The following DTNA variants were observed in gnomAD, a reference collection of about 807,000 sequenced individuals.
DTNA encodes the protein dystrobrevin alpha.
DTNA carries 43 observed loss-of-function variants against 100.7 expected under a neutral mutation model. That is an observed-to-expected ratio of 0.43 (90% confidence interval 0.33 to 0.55). The LOEUF (loss-of-function observed/expected upper bound fraction) is 0.55. Among genes scored for constraint, DTNA ranks in the 20% least tolerant of loss-of-function variants. The probability of loss-of-function intolerance (pLI) is 0.04; values close to 1 mark genes in which losing one functional copy is unlikely to be tolerated. For synonymous variants in DTNA, 349 were observed against 347.9 expected (o/e 1.00, Z -0.04); for missense variants, 798 against 953.9 (o/e 0.84, Z 2.15).
chr18:34,611,887 G>A (rs554726392), intron 1 of DTNA, among the ~76,000 whole-genome samples: 15 of 152,332 alleles, frequency 9.8e-5, no homozygotes, highest in East Asian at 9.7e-4. Context: ...CTGGGCAGGC[G>A]TGCAGCACAT....
intron 1 of DTNA, among the ~76,000 whole-genome samples, chr18:34,538,976 GA>G (rs1441740973): frequency 2.0e-5 from 3 of 151,678 alleles, no homozygotes; most frequent in Non-Finnish European, 4.4e-5. Context: ...CACACTCAGA[GA>G]AAAATAGTTC....
At position 34,818,147 on chromosome 18, in the gene DTNA, AC is replaced by A. The variant is rs772216403; in HGVS notation, c.710-16del. The A allele has an allele frequency of 1.9e-6, 3 of 1,613,602 alleles. No homozygotes were observed. In the South Asian group the frequency reaches 3.3e-5, roughly 18 times the overall value. On this transcript the variant is annotated splice_polypyrimidine_tract_variant and intron_variant, in intron 7 of 22. Transcript: ENST00000444659. Reference sequence around the variant, plus strand: ...ACTTTTGTTTTCTTGGTTTTTCTTCACTTACTTCCCCCTTAGTCTTCCATCC... The same window carrying A: ...ACTTTTGTTTTCTTGGTTTTTCTTCATTACTTCCCCCTTAGTCTTCCATCC...
chr18:34,699,805 C>T (rs776977207), intron 1 of DTNA, among the ~76,000 whole-genome samples: 3 of 152,186 alleles, frequency 2.0e-5, no homozygotes, highest in Non-Finnish European at 2.9e-5. Context: ...GTGAAACAGA[C>T]CCATCCATAT....
Position 34,890,008 on chromosome 18 carries a change from C to G in DTNA, c.*2274C>G, listed in dbSNP as rs1188052662. The G allele has an allele frequency of 1.6e-6, 2 of 1,225,054 alleles. No homozygotes were observed. The highest frequency in any genetic ancestry group is 1.5e-5 in the African/African-American group (1 of 64,976). 75.9% of individuals were successfully genotyped at this position (1,225,054 alleles called of 1,614,324 possible). A position where few individuals can be genotyped will look rare whatever the true frequency, so the allele number is the denominator to read the frequency against. The stretch of plus-strand genomic sequence containing the variant: ...CCAGCTACCTATAATGCTGTCAGCT[C>G]AAAATCATAGCCAGGTAGTTCTTGA... On this transcript the variant is annotated 3_prime_UTR_variant, in exon 23 of 23. Transcript: ENST00000444659.
chr18:34,736,613 T>G (rs1386587567), intron 1 of DTNA, among the ~76,000 whole-genome samples: 1 of 152,196 alleles, frequency 6.6e-6, no homozygotes, highest in Admixed American at 6.5e-5. Context: ...TTCTGAAATT[T>G]AAGGCCTCAT....
At chr18:34,537,529 A>G (rs917477369) in intron 1 of DTNA, among the ~76,000 whole-genome samples, 2 of 152,018 alleles carry the variant, frequency 1.3e-5, no homozygotes, top group East Asian at 1.9e-4. Flanking sequence ...CAAAAAAAAA[A>G]GCACATTTAC....
At chr18:34,863,072 T>C (rs1188790714) in intron 16 of DTNA, among the ~76,000 whole-genome samples, 1 of 152,246 alleles carries the variant, frequency 6.6e-6, no homozygotes, top group Non-Finnish European at 1.5e-5. Flanking sequence ...CAGAAATCTT[T>C]GGGGCAATGG....
chr18:34,581,243 G>T (rs1007903484), intron 1 of DTNA, among the ~76,000 whole-genome samples: 23 of 102,536 alleles, frequency 2.2e-4, no homozygotes, highest in Non-Finnish European at 4.0e-4. Context: ...GCGAGATTGG[G>T]TCTCAAAACA....
At chr18:34,661,761 G>A (rs1324853999) in intron 1 of DTNA, among the ~76,000 whole-genome samples, 27 of 152,102 alleles carry the variant, frequency 1.8e-4, no homozygotes, top group Admixed American at 1.8e-3. Context: ...AGAGTTAAGT[G>A]CAGAGGATAA....
At chr18:34,732,846 T>C (rs1471629858) in intron 1 of DTNA, among the ~76,000 whole-genome samples, 2 of 152,172 alleles carry the variant, frequency 1.3e-5, no homozygotes, top group Admixed American at 6.5e-5. Flanking sequence ...GTTGTTGGGG[T>C]TCTGACAGCT....
chr18:34,828,825 C>CT (rs1417859944), intron 10 of DTNA, among the ~76,000 whole-genome samples: 3 of 152,064 alleles, frequency 2.0e-5, no homozygotes, highest in African/African-American at 7.2e-5. Flanking sequence ...TTTTAGCACT[C>CT]TTTTTTAGAA....
chr18:34,598,978 A>T (rs1365478561), intron 1 of DTNA, among the ~76,000 whole-genome samples: 2 of 152,230 alleles, frequency 1.3e-5, no homozygotes, highest in African/African-American at 2.4e-5. Flanking sequence ...AGTTGATGGG[A>T]ACCAGAGGAA....
intron 6 of DTNA, among the ~76,000 whole-genome samples, chr18:34,812,596 C>T (rs2095507656): frequency 6.6e-6 from 1 of 152,064 alleles, no homozygotes; most frequent in African/African-American, 2.4e-5. Context: ...ATAACACCAT[C>T]GGATCTCCTG....
chr18:34,720,471 T>C (rs577397500), intron 1 of DTNA, among the ~76,000 whole-genome samples: 2 of 152,260 alleles, frequency 1.3e-5, no homozygotes, highest in South Asian at 4.2e-4. Context: ...GCAGAGGAGC[T>C]TTGAGAATAC....
chr18:34,753,117 T>G (rs1425247828), intron 1 of DTNA, among the ~76,000 whole-genome samples: 2 of 152,168 alleles, frequency 1.3e-5, no homozygotes, highest in Non-Finnish European at 2.9e-5. Flanking sequence ...GCTGGCCATA[T>G]CATTTGTTGG....
intron 1 of DTNA, among the ~76,000 whole-genome samples, chr18:34,543,455 G>A (rs1447245336): frequency 6.6e-6 from 1 of 152,012 alleles, no homozygotes; most frequent in Non-Finnish European, 1.5e-5. Context: ...CAGTGCGTTT[G>A]TTCTTGGATA....
chr18:34,742,598 G>A (rs896912659), intron 1 of DTNA, among the ~76,000 whole-genome samples: 1 of 42,388 alleles, frequency 2.4e-5, no homozygotes, highest in Non-Finnish European at 5.0e-5. Context: ...ACAAATTTGG[G>A]GGGGTTAAGA....
At chr18:34,551,643 G>C (rs1308174700) in intron 1 of DTNA, among the ~76,000 whole-genome samples, 1 of 152,124 alleles carries the variant, frequency 6.6e-6, no homozygotes, top group Non-Finnish European at 1.5e-5. Context: ...CCAGCTTTCA[G>C]AGGATACTTG....
At chr18:34,865,804 T>A (rs2096694506) in intron 17 of DTNA, among the ~76,000 whole-genome samples, 1 of 152,236 alleles carries the variant, frequency 6.6e-6, no homozygotes, top group Non-Finnish European at 1.5e-5. Context: ...GATAGAAGTC[T>A]ATTCACCACC....
Sources: gnomAD v4.1 joint callset for allele counts (sites outside exome capture counted in the v4.1 genomes callset) on GRCh38, gnomAD v4.1.1 for gene constraint, MANE v1.5 for transcripts, NCBI Gene and HGNC (gene_info 2026-07-23, HGNC 2026-07-21) for gene names.